PCDHGA3: variants seen among roughly 807,000 people sequenced by gnomAD.
PCDHGA3 encodes protocadherin gamma-A3.
A neutral mutation model predicts 58.5 loss-of-function variants in PCDHGA3; 40 were observed. The observed-to-expected ratio is 0.68, with a 90% confidence interval of 0.53 to 0.89. The LOEUF (loss-of-function observed/expected upper bound fraction) is 0.89, where lower values mean the gene tolerates loss of function less well. Among genes scored for constraint, PCDHGA3 ranks in the 40% least tolerant of loss-of-function variants. The pLI is 0.00. For synonymous variants in PCDHGA3, 530 were observed against 525.7 expected (o/e 1.01, Z -0.11); for missense variants, 1,223 against 1,195.9 (o/e 1.02, Z -0.33).
At chr5:141,357,053 C>T (rs1561513386) in intron 1 of PCDHGA3, 1 of 1,614,020 alleles carries the variant, frequency 6.2e-7, no homozygotes, top group Non-Finnish European at 8.5e-7. Context: ...GGACTATTTG[C>T]AGTGGGGCTG....
chr5:141,491,379 A>G lies in PCDHGA3; in HGVS notation c.2425-3428A>G, dbSNP rs140150079. 423 of 1,613,968 alleles carry G rather than the reference A, an allele frequency of 2.6e-4. No homozygotes were observed. Among genetic ancestry groups the G allele is most frequent in the Non-Finnish European group, 3.0e-4 (359 of 1,179,986 alleles). On this transcript the variant is annotated intron_variant, in intron 1 of 3. Transcript: ENST00000253812. The surrounding 1 kb of genome is among the most constrained non-coding windows in gnomAD (Gnocchi z 6.9). ...CCCTAGTCACCTTCACCTTTCTGTC[A>G]GCGAAGTGCCTTCAGGGAAACGCAG...
chr5:141,427,405 C>T (rs1209638263), intron 1 of PCDHGA3: 1 of 462,180 alleles, frequency 2.2e-6, no homozygotes, highest in East Asian at 6.8e-5. Context: ...GATAAAGATT[C>T]GAGAGAAAAT....
chr5:141,439,428 C>T (rs1191911600), intron 1 of PCDHGA3, among the ~76,000 whole-genome samples: 1 of 152,170 alleles, frequency 6.6e-6, no homozygotes, highest in Non-Finnish European at 1.5e-5. Flanking sequence ...TATAAATTCC[C>T]AGGAATATTT....
intron 1 of PCDHGA3, chr5:141,357,445 T>C: frequency 1.9e-6 from 3 of 1,614,216 alleles, no homozygotes; most frequent in Non-Finnish European, 2.5e-6. Flanking sequence ...GGTTCGGGCT[T>C]TCCTGCAGAC....
chr5:141,458,540 TTTTG>T (rs754668779), intron 1 of PCDHGA3, among the ~76,000 whole-genome samples: 43 of 150,468 alleles, frequency 2.9e-4, no homozygotes, highest in East Asian at 1.7e-3. Context: ...ATCAACTTTA[TTTTG>T]TTTGTTTGTT....
At chr5:141,383,731 A>C (rs373290954) in intron 1 of PCDHGA3, 4 of 1,613,882 alleles carry the variant, frequency 2.5e-6, no homozygotes, top group Non-Finnish European at 3.4e-6. Context: ...TGGGGAAGTG[A>C]CATATTCTTT....
chr5:141,384,810 C>A (rs755407612), intron 1 of PCDHGA3: 3 of 1,613,422 alleles, frequency 1.9e-6, no homozygotes, highest in Middle Eastern at 1.7e-4. Flanking sequence ...ACAGAGATGC[C>A]CTCAAGCAGA....
At chr5:141,389,985 T>C (rs754723585) in intron 1 of PCDHGA3, 5 of 1,614,006 alleles carry the variant, frequency 3.1e-6, no homozygotes, top group Non-Finnish European at 4.2e-6. Flanking sequence ...CTCAGTGCTC[T>C]TCCTCGTGGC....
Position 141,487,463 on chromosome 5 carries a change from G to T in PCDHGA3, c.2425-7344G>T, listed in dbSNP as rs754798527. 1 of 1,614,136 alleles carries T rather than the reference G, an allele frequency of 6.2e-7. No homozygotes were observed. The highest frequency in any genetic ancestry group is 1.7e-5 in the Admixed American group (1 of 60,016). ...GTCAGATGACCCTATCAAGTTTGTT[G>T]ATGTGGGAGGCCACTCTCATGGCTG... On this transcript the variant is annotated intron_variant, in intron 1 of 3. Coordinates refer to ENST00000253812, the MANE Select transcript of PCDHGA3 (RefSeq NM_018916.4). The surrounding 1 kb of genome is among the most constrained non-coding windows in gnomAD (Gnocchi z 5.0).
chr5:141,510,223 G>C (rs944276162), intron 3 of PCDHGA3, among the ~76,000 whole-genome samples: 1 of 151,302 alleles, frequency 6.6e-6, no homozygotes, highest in African/African-American at 2.4e-5. Context: ...CAGTGAGCCG[G>C]GATCGCGCCA....
intron 1 of PCDHGA3, among the ~76,000 whole-genome samples, chr5:141,462,029 G>A (rs535977332): frequency 6.6e-6 from 1 of 152,260 alleles, no homozygotes; most frequent in East Asian, 1.9e-4. Context: ...CTTCATGTTG[G>A]TCAGGCGGGT....
intron 3 of PCDHGA3, among the ~76,000 whole-genome samples, chr5:141,508,528 C>T (rs2099869454): frequency 6.6e-6 from 1 of 152,186 alleles, no homozygotes; most frequent in Admixed American, 6.5e-5. Context: ...AACCTCAGGG[C>T]ACCCCCCACG....
At chr5:141,482,345 T>G (rs192115752) in intron 1 of PCDHGA3, among the ~76,000 whole-genome samples, 8 of 152,122 alleles carry the variant, frequency 5.3e-5, no homozygotes, top group Admixed American at 5.2e-4. Context: ...CTTTGCAAAC[T>G]TGTTGTGAGA....
chr5:141,389,248 A>G (rs757462176), intron 1 of PCDHGA3: 45 of 1,613,918 alleles, frequency 2.8e-5, no homozygotes, highest in African/African-American at 6.7e-5. Flanking sequence ...CAGTCTTCCT[A>G]TATAGTCCAC....
intron 1 of PCDHGA3, chr5:141,360,069 G>A (rs1761407187): frequency 6.8e-7 from 1 of 1,469,142 alleles, no homozygotes; most frequent in Non-Finnish European, 9.0e-7. Flanking sequence ...AGTGACCTTA[G>A]CCCGGATTCT....
intron 1 of PCDHGA3, chr5:141,375,232 C>G: frequency 6.2e-7 from 1 of 1,613,986 alleles, no homozygotes; most frequent in Non-Finnish European, 8.5e-7. Flanking sequence ...GCCTGGTAAC[C>G]TGTTCCATCC....
At position 141,352,484 on chromosome 5, in the gene PCDHGA3, G is replaced by A. The variant is rs769609031; in HGVS notation, c.2424+6027G>A. 2.7e-5 allele frequency: 44 copies of A among 1,613,872 alleles called. No homozygotes were observed. The highest frequency in any genetic ancestry group is 1.8e-4 in the Admixed American group (11 of 60,004). On this transcript the variant is annotated intron_variant, in intron 1 of 3. Transcript: ENST00000253812. ...CGGGGTTCCTCCCAACCACAGCGAG[G>A]GGACTTTGCCCTATTCCTACAATCT...
intron 1 of PCDHGA3, among the ~76,000 whole-genome samples, chr5:141,447,023 GT>G (rs5871773): frequency 0.034 from 5,146 of 151,536 alleles, 101 homozygotes; most frequent in Middle Eastern, 0.088. Flanking sequence ...GTTTTGTTTT[GT>G]TTTTTTTCTG....
intron 1 of PCDHGA3, among the ~76,000 whole-genome samples, chr5:141,463,966 A>C (rs923614502): frequency 4.6e-5 from 7 of 152,196 alleles, no homozygotes; most frequent in African/African-American, 1.7e-4. Context: ...AAATAGCTTC[A>C]TAAAACTCCA....
Sources: gnomAD v4.1 joint callset for allele counts (sites outside exome capture counted in the v4.1 genomes callset) on GRCh38, gnomAD v4.1.1 for gene constraint, Gnocchi (gnomAD v3.1) non-coding constraint, MANE v1.5 for transcripts, NCBI Gene and HGNC (gene_info 2026-07-23, HGNC 2026-07-21) for gene names.